Variants in DNAH5 observed in about 807,000 individuals in gnomAD.
DNAH5 encodes axonemal beta dynein heavy chain 5.
DNAH5 carries 372 observed loss-of-function variants against 518.2 expected under a neutral mutation model. The observed-to-expected ratio is 0.72, with a 90% CI of 0.66 to 0.78. DNAH5 has a LOEUF of 0.78. Ranked by LOEUF, DNAH5 falls within the 30% of genes least tolerant of loss-of-function variation. The pLI is 0.00. For missense variants in DNAH5, 5,523 were observed against 5,687.0 expected, an observed-to-expected ratio of 0.97 and a Z score of 0.93; for synonymous variants, 2,039 against 2,025.9, an observed-to-expected ratio of 1.01 and a Z score of -0.17.
intron 1 of DNAH5, among the ~76,000 whole-genome samples, chr5:14,000,899 C>A (rs1165295042): frequency 6.6e-6 from 1 of 152,142 alleles, no homozygotes; most frequent in Non-Finnish European, 1.5e-5. Flanking sequence ...AACCCAGGTG[C>A]CCATCAGTGG....
intron 53 of DNAH5, 106 bp downstream of exon 53, chr5:13,780,723 G>C: frequency 7.9e-7 from 1 of 1,269,598 alleles, no homozygotes; most frequent in African/African-American, 1.5e-5. Context: ...GAAGGAAAAT[G>C]ACTGTGACTC....
intron 1 of DNAH5, among the ~76,000 whole-genome samples, chr5:13,988,139 C>G (rs558431965): frequency 1.3e-5 from 2 of 152,232 alleles, no homozygotes; most frequent in African/African-American, 4.8e-5. Flanking sequence ...ATTTACTATG[C>G]TATCATCTGA....
At chr5:13,877,752 A>T (rs934526741) in intron 21 of DNAH5, among the ~76,000 whole-genome samples, 1 of 152,230 alleles carries the variant, frequency 6.6e-6, no homozygotes, top group Non-Finnish European at 1.5e-5. Flanking sequence ...TGGACCTCAC[A>T]TGTATCACCA....
At chr5:13,897,718 C>G (rs1774079164) in intron 15 of DNAH5, 2 of 152,322 alleles carry the variant, frequency 1.3e-5, no homozygotes, top group Middle Eastern at 6.8e-3. Flanking sequence ...ACTTTTAACT[C>G]TCAACCTCCA....
chr5:13,795,448 A>G (rs1333353620), intron 47 of DNAH5, among the ~76,000 whole-genome samples: 1 of 152,256 alleles, frequency 6.6e-6, no homozygotes, highest in Admixed American at 6.5e-5. Context: ...TAGAAAATCT[A>G]GAAGAAATGG....
At chr5:13,942,367 CTTATAG>C (rs1389264966) in intron 1 of DNAH5, among the ~76,000 whole-genome samples, 9 of 152,100 alleles carry the variant, frequency 5.9e-5, no homozygotes, top group Admixed American at 2.0e-4. Flanking sequence ...TACATACATA[CTTATAG>C]TTAGGTAGCT....
chr5:13,923,465 T>C, intron 3 of DNAH5, 25 bp from the exon 4 acceptor site: 1 of 1,613,698 alleles, frequency 6.2e-7, no homozygotes, highest in Non-Finnish European at 8.5e-7. Flanking sequence ...TAATTTTAGT[T>C]TCACAAATGC....
At chr5:13,713,950 T>G (rs1046198008) in intron 75 of DNAH5, among the ~76,000 whole-genome samples, 4 of 152,184 alleles carry the variant, frequency 2.6e-5, no homozygotes, top group African/African-American at 9.6e-5. Context: ...TTTTCAAAAC[T>G]AATGAGATGA....
chr5:13,691,136 T>A lies in DNAH5; in HGVS notation c.*848A>T, dbSNP rs756162621. Reference sequence around the variant, plus strand: ...TTGAATATTTATGATTTTTCCATTTTTTTCTGTTATTAAATGCAATTTTAT... The same window carrying A: ...TTGAATATTTATGATTTTTCCATTTATTTCTGTTATTAAATGCAATTTTAT... On this transcript the variant is annotated 3_prime_UTR_variant, in exon 79 of 79. Coordinates refer to ENST00000265104, the MANE Select transcript of DNAH5 (RefSeq NM_001369.3). 1.2e-4 allele frequency: 18 copies of A among 152,244 alleles called. No individual in the cohort carries two copies. The highest frequency in any genetic ancestry group is 4.3e-4 in the African/African-American group (18 of 41,482). 9.4% of individuals were successfully genotyped at this position (152,244 alleles called of 1,614,324 possible).
At chr5:13,747,751 T>TAA (rs1749603610) in intron 65 of DNAH5, among the ~76,000 whole-genome samples, 1 of 152,196 alleles carries the variant, frequency 6.6e-6, no homozygotes, top group African/African-American at 2.4e-5. Context: ...TCTTGTAAAT[T>TAA]TCTTTGAGTT....
At chr5:13,936,362 C>T (rs1580968460) in intron 1 of DNAH5, among the ~76,000 whole-genome samples, 1 of 152,092 alleles carries the variant, frequency 6.6e-6, no homozygotes, top group African/African-American at 2.4e-5. Flanking sequence ...CTAATGAATA[C>T]CCCAAAAAGC....
chr5:13,854,205 T>G (rs909691486), intron 30 of DNAH5, among the ~76,000 whole-genome samples: 1 of 151,922 alleles, frequency 6.6e-6, no homozygotes, highest in Non-Finnish European at 1.5e-5. Flanking sequence ...CATAAGAGAG[T>G]GGGGGCCAAT....
chr5:13,829,885 T>A, intron 37 of DNAH5, 141 bp downstream of exon 37: 1 of 1,081,990 alleles, frequency 9.2e-7, no homozygotes. Context: ...GATCTTTGCT[T>A]AACACCAAAA....
At chr5:13,747,535 T>G (rs1225887391) in intron 65 of DNAH5, among the ~76,000 whole-genome samples, 3 of 152,176 alleles carry the variant, frequency 2.0e-5, no homozygotes, top group Admixed American at 2.0e-4. Flanking sequence ...TTTCTCCACA[T>G]CCTCTCCAGC....
At chr5:13,873,088 C>A (rs1427952269) in intron 22 of DNAH5, among the ~76,000 whole-genome samples, 1 of 152,052 alleles carries the variant, frequency 6.6e-6, no homozygotes, top group Admixed American at 6.6e-5. Context: ...CACAATTGCA[C>A]ATGTATCCTA....
chr5:13,833,711 T>C (rs1220507411), intron 35 of DNAH5, among the ~76,000 whole-genome samples: 1 of 152,124 alleles, frequency 6.6e-6, no homozygotes, highest in African/African-American at 2.4e-5. Context: ...ACAAGTCCTG[T>C]CTACATTTCT....
At chr5:13,985,430 A>AAT (rs145568740) in intron 1 of DNAH5, among the ~76,000 whole-genome samples, 3,104 of 126,868 alleles carry the variant, frequency 0.024, 59 homozygotes, top group African/African-American at 0.047. Context: ...AGTATAATAA[A>AAT]ATATATATAT....
rs765849507 is a variant in DNAH5 at position 13,708,198 on chromosome 5, G to A, written c.13263C>T (p.Thr4421=). ...CTCGCAGATTTTCGCTCATGATGATGGTGCCATCAATAGCAAGTTTCAGCT... is the reference window on the plus strand; with the variant it reads ...CTCGCAGATTTTCGCTCATGATGATAGTGCCATCAATAGCAAGTTTCAGCT... ...LTELKLAIDG[T]IIMSENLRDA... is the part of the protein sequence containing the mutation. The change falls in exon 76 of 79, where the codon ACC becomes ACT. Residue 4421 remains threonine, a synonymous_variant. Transcript: ENST00000265104. The A allele has an allele frequency of 5.0e-6, 8 of 1,614,126 alleles. No homozygotes were observed. The highest frequency in any genetic ancestry group is 3.3e-5 in the South Asian group (3 of 91,080).
intron 31 of DNAH5, among the ~76,000 whole-genome samples, chr5:13,845,195 A>AT (rs1765805965): frequency 1.3e-5 from 2 of 152,130 alleles, no homozygotes; most frequent in South Asian, 4.2e-4. Context: ...TGGAGAAATA[A>AT]TTTTTTCCCA....
Sources: allele counts gnomAD v4.1 joint callset (sites outside exome capture counted in the v4.1 genomes callset), GRCh38; gene constraint gnomAD v4.1.1; transcripts MANE v1.5; gene names NCBI Gene and HGNC (gene_info 2026-07-23, HGNC 2026-07-21).